CENPP: variants seen among roughly 807,000 people sequenced by gnomAD.
CENPP encodes centromere protein P.
In CENPP, 24 loss-of-function variants were observed where a neutral mutation model predicts 35.6. The ratio of observed to expected loss-of-function variants is 0.67; its 90% CI spans 0.49 to 0.95. The LOEUF (loss-of-function observed/expected upper bound fraction) is 0.95, where lower values mean the gene tolerates loss of function less well. Among genes scored for constraint, CENPP ranks in the 40% least tolerant of loss-of-function variants. The pLI, the probability that CENPP is intolerant of heterozygous loss-of-function variation, is 0.00. For missense variants in CENPP, 332 were observed against 345.3 expected (o/e 0.96, Z 0.31); for synonymous variants, 120 against 125.5 (o/e 0.96, Z 0.29).
intron 5 of CENPP, among the ~76,000 whole-genome samples, chr9:92,605,717 ATC>A (rs1333898408): frequency 1.3e-5 from 2 of 152,180 alleles, no homozygotes; most frequent in African/African-American, 4.8e-5. Flanking sequence ...ATAAATGTAA[ATC>A]TCTGTGACTG....
intron 5 of CENPP, among the ~76,000 whole-genome samples, chr9:92,605,201 C>G (rs542612098): frequency 6.6e-6 from 1 of 152,152 alleles, no homozygotes; most frequent in Non-Finnish European, 1.5e-5. Flanking sequence ...GTTGGCAAGG[C>G]TGGTCTCGAA....
At chr9:92,368,753 A>T (rs1199479749) in intron 4 of CENPP, among the ~76,000 whole-genome samples, 1 of 151,998 alleles carries the variant, frequency 6.6e-6, no homozygotes, top group African/African-American at 2.4e-5. Flanking sequence ...GTTAAGAATA[A>T]ATGGCTCAGA....
At chr9:92,506,269 A>G (rs973649824) in intron 5 of CENPP, among the ~76,000 whole-genome samples, 1 of 152,242 alleles carries the variant, frequency 6.6e-6, no homozygotes, top group African/African-American at 2.4e-5. Context: ...AATTCCCATC[A>G]TAGTTACTCA....
intron 5 of CENPP, among the ~76,000 whole-genome samples, chr9:92,380,948 G>A (rs1167834375): frequency 6.6e-6 from 1 of 152,130 alleles, no homozygotes; most frequent in African/African-American, 2.4e-5. Flanking sequence ...TTCTTATGGA[G>A]GGTAAAGAGC....
At position 92,457,004 on chromosome 9, in the gene CENPP, T is replaced by C. The variant is rs965812945; in HGVS notation, c.564+77145T>C. 7.0e-6 allele frequency: 8 copies of C among 1,141,684 alleles called. No individual in the cohort carries two copies. The African/African-American group carries it at 1.3e-4, about 18-fold the overall frequency. The allele number at this position is 1,141,684 out of a possible 1,614,324, so 70.7% of individuals were successfully genotyped here. ...AAGTGTTAAATACCGAATATCTTAC[T>C]TTTTTGTTATGAAGAAAGGAATGGT... is the stretch of plus-strand genomic sequence containing the variant. On this transcript the variant is annotated intron_variant, in intron 5 of 7. Coordinates refer to ENST00000375587, the MANE Select transcript of CENPP (RefSeq NM_001012267.3).
chr9:92,514,836 C>T, intron 5 of CENPP: 1 of 1,612,032 alleles, frequency 6.2e-7, no homozygotes, highest in Non-Finnish European at 8.5e-7. Context: ...CCTCATCCTC[C>T]TCACCCTCCT....
chr9:92,365,821 A>G (rs534765327), intron 4 of CENPP, among the ~76,000 whole-genome samples: 3 of 151,852 alleles, frequency 2.0e-5, no homozygotes, highest in South Asian at 2.1e-4. Flanking sequence ...GACTAACAGC[A>G]TTGAATTAGA....
chr9:92,344,213 A>G (rs2130800708), intron 3 of CENPP, among the ~76,000 whole-genome samples: 1 of 152,300 alleles, frequency 6.6e-6, no homozygotes, highest in South Asian at 2.1e-4. Context: ...AGAGATGGAA[A>G]GATGGAAAAA....
chr9:92,494,449 A>C (rs1564351942), intron 5 of CENPP, among the ~76,000 whole-genome samples: 1 of 152,204 alleles, frequency 6.6e-6, no homozygotes, highest in South Asian at 2.1e-4. Context: ...TCCTAAACTG[A>C]TTATGAAGCT....
intron 5 of CENPP, among the ~76,000 whole-genome samples, chr9:92,399,809 A>T (rs950425459): frequency 6.6e-6 from 1 of 152,042 alleles, no homozygotes; most frequent in Non-Finnish European, 1.5e-5. Flanking sequence ...CTGAATTTTC[A>T]TGTGTATTTT....
chr9:92,334,121 G>GTTTTT (rs11423555), intron 2 of CENPP, among the ~76,000 whole-genome samples: 1 of 133,978 alleles, frequency 7.5e-6, no homozygotes, highest in African/African-American at 2.8e-5. Context: ...TGAGAGTAGG[G>GTTTTT]TTTTTTTTTT....
chr9:92,505,520 A>C, intron 5 of CENPP: 1 of 1,576,046 alleles, frequency 6.3e-7, no homozygotes, highest in Non-Finnish European at 8.6e-7. Context: ...ACACTAAAAA[A>C]ATATATTGTT....
chr9:92,464,715 A>G (rs1413815272), intron 5 of CENPP: 3 of 683,142 alleles, frequency 4.4e-6, no homozygotes, highest in Non-Finnish European at 5.4e-6. Flanking sequence ...TTCTTAGTGG[A>G]GTAAAAAAAA....
intron 5 of CENPP, chr9:92,404,817 TTTGGTGAA>T: frequency 3.3e-6 from 1 of 303,852 alleles, no homozygotes; most frequent in Non-Finnish European, 5.4e-6. Context: ...ACATTCATGT[TTTGGTGAA>T]TATTAGTTTA....
At chr9:92,535,296 A>G (rs1353419560) in intron 5 of CENPP, among the ~76,000 whole-genome samples, 2 of 152,200 alleles carry the variant, frequency 1.3e-5, no homozygotes, top group Non-Finnish European at 2.9e-5. Flanking sequence ...TTTCATTGAT[A>G]TACAGAATTT....
rs1588328532 is a variant in CENPP at position 92,618,053 on chromosome 9, A to C, written c.*4904A>C. ...GCCAAGATGACTCATGATAAATCCC[A>C]GCCTTAGTTTGTCCCTAGGCCTCTA... On this transcript the variant is annotated 3_prime_UTR_variant, in exon 8 of 8. Transcript: ENST00000375587. 8.5e-6 allele frequency: 3 copies of C among 352,738 alleles called. No individual in the cohort carries two copies. The highest frequency in any genetic ancestry group is 1.7e-5 in the Non-Finnish European group (3 of 177,784). 21.9% of individuals were successfully genotyped at this position (352,738 alleles called of 1,614,324 possible).
intron 5 of CENPP, among the ~76,000 whole-genome samples, chr9:92,542,411 A>G (rs1208800101): frequency 1.3e-5 from 2 of 151,536 alleles, no homozygotes; most frequent in Admixed American, 1.3e-4. Context: ...TCATTTGTCT[A>G]TTTTTGCTTT....
intron 2 of CENPP, among the ~76,000 whole-genome samples, chr9:92,333,692 T>C (rs1394428560): frequency 6.6e-6 from 1 of 152,196 alleles, no homozygotes; most frequent in African/African-American, 2.4e-5. Flanking sequence ...AGAAATATCT[T>C]GTTTTTTATT....
intron 5 of CENPP, among the ~76,000 whole-genome samples, chr9:92,583,583 TTAGCATTTTTTTCTGAA>T (rs1341678343): frequency 6.6e-6 from 1 of 152,224 alleles, no homozygotes; most frequent in African/African-American, 2.4e-5. Context: ...TATTTCATTC[TTAGCATTTTTTTCTGAA>T]TATGTGCTTA....
Sources: allele counts gnomAD v4.1 joint callset (sites outside exome capture counted in the v4.1 genomes callset), GRCh38; gene constraint gnomAD v4.1.1; transcripts MANE v1.5; gene names NCBI Gene and HGNC (gene_info 2026-07-23, HGNC 2026-07-21).